Variants in AARS2 observed in about 807,000 individuals in gnomAD.
The protein encoded by AARS2 is alanyl-tRNA synthetase 2, mitochondrial, also known as alanine--tRNA ligase, mitochondrial.
AARS2 carries 78 observed loss-of-function variants against 119.7 expected under a neutral mutation model. The observed-to-expected ratio is 0.65, with a 90% CI of 0.54 to 0.79. The LOEUF (loss-of-function observed/expected upper bound fraction) is 0.79, where lower values mean the gene tolerates loss of function less well. AARS2 is among the 30% of genes least tolerant of loss of function. The pLI is 0.00. For missense variants in AARS2, 1,157 were observed against 1,291.3 expected (o/e 0.90, Z 1.59); for synonymous variants, 502 against 526.3 (o/e 0.95, Z 0.63).
At chr6:44,302,982 C>T in intron 16 of AARS2, 72 bp from the exon 17 acceptor site, 1 of 1,603,460 alleles carries the variant, frequency 6.2e-7, no homozygotes. Flanking sequence ...GTGCATCTCC[C>T]ATTAAGGGCT....
intron 19 of AARS2, 113 bp from the exon 20 acceptor site, chr6:44,301,577 C>T: frequency 9.5e-7 from 1 of 1,049,950 alleles, no homozygotes. Flanking sequence ...CCCACCCACC[C>T]CAAAAGTCAT....
At chr6:44,313,021 C>G in intron 1 of AARS2, 60 bp downstream of exon 1, 1 of 1,605,284 alleles carries the variant, frequency 6.2e-7, no homozygotes, top group African/African-American at 1.3e-5. Flanking sequence ...AATCCTGCAG[C>G]GTCTTTCTCA....
intron 21 of AARS2, 119 bp downstream of exon 21, chr6:44,301,037 C>G (rs1209910888): frequency 1.1e-6 from 1 of 949,108 alleles, no homozygotes; most frequent in Admixed American, 2.4e-5. Flanking sequence ...CTGGAGTATC[C>G]TCATAGATAC....
In AARS2 at chr6:44,313,096, A is replaced by G; in HGVS notation, c.228T>C (p.Asn76=). Residue 76 remains asparagine (N), a synonymous_variant, in exon 1 of 22, where the codon AAT becomes AAC. Coordinates refer to ENST00000244571, the MANE Select transcript of AARS2 (RefSeq NM_020745.4). ...CGGCCCTCACCTGGTTCATGCCCGC[A>G]TTGACAAAAAGCAAACTGGGGTCGC... ...PRGDPSLLFV[N]AGMNQFKPIF... 6.2e-7 allele frequency: 1 copy of G among 1,613,550 alleles called. No individual in the cohort carries two copies. The highest frequency in any genetic ancestry group is 8.5e-7 in the Non-Finnish European group (1 of 1,179,958).
Position 44,310,311 on chromosome 6 carries a change from G to A in AARS2, c.882C>T (p.Asn294=), listed in dbSNP as rs141636040. Residue 294 remains asparagine (N), a synonymous_variant, in exon 5 of 22, where the codon AAC becomes AAT. Coordinates refer to ENST00000244571, the MANE Select transcript of AARS2 (RefSeq NM_020745.4). ...AAGAGGCACTCACCTGCTGTATGGC[G>A]TTGAGCAGCGGGGAAAAGAGGTCAG... ...YDTDLFSPLL[N]AIQQGCRAPP... The A allele has an allele frequency of 6.8e-4, 1,091 of 1,602,876 alleles. 23 individuals carry two copies. The South Asian group carries it at 0.011, about 17-fold the overall frequency.
At position 44,305,184 on chromosome 6, in the gene AARS2, C is replaced by T. The variant is rs1479353644; in HGVS notation, c.1449G>A (p.Gln483=). The T allele has an allele frequency of 6.2e-7, 1 of 1,612,466 alleles. No individual in the cohort carries two copies. Among genetic ancestry groups the T allele is most frequent in the African/African-American group, 1.3e-5 (1 of 74,894 alleles). Residue 483 remains glutamine, a synonymous_variant, in exon 11 of 22, where the codon CAG becomes CAA. Coordinates refer to ENST00000244571, the MANE Select transcript of AARS2 (RefSeq NM_020745.4). This position sits in a 1 kb window ranked among gnomAD's most constrained non-coding sequence, Gnocchi z 4.6. ...ATCCCTGCTTCTGAACTGGCTCAGC[C>T]TGCCGTGCCCGGTGCTGCAGGGTGG... The part of the protein sequence containing the change: ...AQEEAQHRAR[Q]AEPVQKQGLW...
At chr6:44,306,839 G>A in intron 7 of AARS2, 84 bp downstream of exon 7, 1 of 1,337,652 alleles carries the variant, frequency 7.5e-7, no homozygotes, top group South Asian at 1.2e-5. Flanking sequence ...TGGGCACCCA[G>A]GCTGGGGGCA....
chr6:44,311,612 G>A, intron 2 of AARS2, 77 bp from the exon 3 acceptor site: 1 of 1,544,250 alleles, frequency 6.5e-7, no homozygotes, highest in Admixed American at 1.7e-5. Context: ...CAAGCCACAT[G>A]AGTTTAGCTC....
Position 44,310,873 on chromosome 6 carries a change from C to G in AARS2, c.749+121G>C, listed in dbSNP as rs1055173486. The G allele has an allele frequency of 3.1e-6, 4 of 1,298,316 alleles. No homozygotes were observed. In the Admixed American group the frequency reaches 7.3e-5, roughly 24 times the overall value. The allele number at this position is 1,298,316 out of a possible 1,614,324, so 80.4% of individuals were successfully genotyped here. A position where few individuals can be genotyped will look rare whatever the true frequency, so the allele number is the denominator to read the frequency against. ...TATCTATAAGGTGTTGAGAATTGTGCCTGACACACGGTAAGCACCGTTTAC... is the reference window on the plus strand; with the variant it reads ...TATCTATAAGGTGTTGAGAATTGTGGCTGACACACGGTAAGCACCGTTTAC... On this transcript the variant is annotated intron_variant, in intron 4 of 21. Coordinates refer to ENST00000244571, the MANE Select transcript of AARS2 (RefSeq NM_020745.4).
Position 44,306,291 on chromosome 6 carries a change from T to G in AARS2, c.1289A>C (p.Asp430Ala). Residue 430 changes from aspartate to alanine, a missense_variant, in exon 9 of 22, where the codon GAT becomes GCT. Transcript: ENST00000244571. Reference protein sequence around the residue: ...DRTLRTLGPSDMFPAEVAWSL... With the variant: ...DRTLRTLGPSAMFPAEVAWSL... Reference sequence around the variant, plus strand: ...GGTATCCTGCTTACCAGGGAACATATCTGAAGGCCCCAGGGTCCTCAGAGT... The same window carrying G: ...GGTATCCTGCTTACCAGGGAACATAGCTGAAGGCCCCAGGGTCCTCAGAGT... The G allele has an allele frequency of 6.2e-7, 1 of 1,614,020 alleles. No individual in the cohort carries two copies. The highest frequency in any genetic ancestry group is 8.5e-7 in the Non-Finnish European group (1 of 1,179,988).
rs370176576 is a variant in AARS2 at position 44,304,811 on chromosome 6, C to G, written c.1586G>C (p.Gly529Ala). ...TTGCAACACCTGGGCCTCACAGGTG[C>G]CGAACTCTGCCAGGGCACAGAATGG... Reference protein sequence around the residue: ...SLRPSGSYEFGTCEAQVLQLY... With the variant: ...SLRPSGSYEFATCEAQVLQLY... Residue 529 changes from glycine to alanine, a missense_variant, in exon 12 of 22, where the codon GGC (glycine) becomes GCC (alanine). Physicochemically the swap from Gly to Ala is moderately conservative, Grantham distance 60 (BLOSUM62 0). Transcript: ENST00000244571. The G allele has an allele frequency of 1.9e-6, 3 of 1,614,102 alleles. No individual in the cohort carries two copies. Among genetic ancestry groups the G allele is most frequent in the East Asian group, 4.5e-5 (2 of 44,876 alleles).
intron 18 of AARS2, 81 bp from the exon 19 acceptor site, chr6:44,302,251 A>G: frequency 6.2e-7 from 1 of 1,606,684 alleles, no homozygotes; most frequent in Non-Finnish European, 8.5e-7. Context: ...GCCAGGGAAG[A>G]CACCCACCCT....
At position 44,305,761 on chromosome 6, in the gene AARS2, C is replaced by T. The variant is rs1028154594; in HGVS notation, c.1326G>A (p.Leu442=). 1 of 1,614,146 alleles carries T rather than the reference C, an allele frequency of 6.2e-7. No homozygotes were observed. Among genetic ancestry groups the T allele is most frequent in the Non-Finnish European group, 8.5e-7 (1 of 1,180,010 alleles). Residue 442 remains leucine, a synonymous_variant, in exon 10 of 22, where the codon CTG becomes CTA. Transcript: ENST00000244571. The surrounding 1 kb of genome is among the most constrained non-coding windows in gnomAD (Gnocchi z 4.6). The part of the protein sequence containing the change: ...FPAEVAWSLS[L]CGDLGLPLDM... ...CCAAGGGGAGTCCCAGGTCTCCACA[C>T]AGTGACAAGGACCAGGCCACTTCAG...
chr6:44,310,167 CTT>C, intron 5 of AARS2, 130 bp downstream of exon 5: 1 of 1,272,574 alleles, frequency 7.9e-7, no homozygotes, highest in Non-Finnish European at 1.1e-6. Context: ...TGCTTGACGT[CTT>C]GGAATTCTTG....
Position 44,310,397 on chromosome 6 carries a change from T to C in AARS2, c.796A>G (p.Thr266Ala). 1 of 1,614,180 alleles carries C rather than the reference T, an allele frequency of 6.2e-7. No individual in the cohort carries two copies. Among genetic ancestry groups the C allele is most frequent in the Non-Finnish European group, 8.5e-7 (1 of 1,179,994 alleles). ...ACCAGCCTTTCCAGGCCCATTCCTG[T>C]GTCCACATGCCGCTGGGGCAGGGGC... The part of the protein sequence containing the change: ...LQPLPQRHVD[T>A]GMGLERLVAV... Residue 266 changes from threonine to alanine, a missense_variant, in exon 5 of 22, where the codon ACA becomes GCA. Physicochemically the swap from Thr to Ala is moderately conservative, Grantham distance 58. Transcript: ENST00000244571.
In AARS2 at chr6:44,311,090, C is replaced by G; in HGVS notation, c.653G>C (p.Cys218Ser). The G allele has an allele frequency of 4.3e-6, 7 of 1,614,086 alleles. No individual in the cohort carries two copies. Among genetic ancestry groups the G allele is most frequent in the Non-Finnish European group, 5.1e-6 (6 of 1,180,030 alleles). ...GTAGTGGATCTCAGTACAGGGCCCA[C>G]AAGGGCCAGTATCCCCCATCTCCCA... ...NFWEMGDTGP[C>S]GPCTEIHYDL... The change falls in exon 4 of 22, where the codon TGT (cysteine) becomes TCT (serine). Residue 218 changes from cysteine (C) to serine (S), a missense_variant. Coordinates refer to ENST00000244571, the MANE Select transcript of AARS2 (RefSeq NM_020745.4).
At chr6:44,311,257 C>T in intron 3 of AARS2, 96 bp from the exon 4 acceptor site, 1 of 1,601,600 alleles carries the variant, frequency 6.2e-7, no homozygotes, top group Non-Finnish European at 8.6e-7. Context: ...CACAGCTCAG[C>T]AAGAGGAGGA....
intron 1 of AARS2, 87 bp from the exon 2 acceptor site, chr6:44,312,350 G>T: frequency 7.3e-7 from 1 of 1,376,724 alleles, no homozygotes; most frequent in Non-Finnish European, 1.0e-6. Flanking sequence ...AGGGATGGCT[G>T]TTCAGACCGA....
intron 1 of AARS2, 67 bp from the exon 2 acceptor site, chr6:44,312,330 GA>G (rs745699784): frequency 1.3e-5 from 20 of 1,520,128 alleles, no homozygotes; most frequent in Non-Finnish European, 1.6e-5. Flanking sequence ...GAAATGTGGG[GA>G]GTGAGGATAG....
Sources: gnomAD v4.1 joint callset for allele counts on GRCh38, gnomAD v4.1.1 for gene constraint, Gnocchi (gnomAD v3.1) non-coding constraint, MANE v1.5 for transcripts, NCBI Gene and HGNC (gene_info 2026-07-23, HGNC 2026-07-21) for gene names.